PKD2: variants seen among roughly 807,000 people sequenced by gnomAD.
PKD2 encodes the protein polycystin 2, transient receptor potential cation channel, also known as polycystin-2.
Under a neutral mutation model 105.9 loss-of-function variants are expected in PKD2, and 48 were observed. The observed-to-expected ratio is 0.45, with a 90% CI of 0.36 to 0.58. PKD2 has a LOEUF of 0.58. Among genes scored for constraint, PKD2 ranks in the 20% least tolerant of loss-of-function variants. The probability of loss-of-function intolerance (pLI) is 0.00; values close to 1 mark genes in which losing one functional copy is unlikely to be tolerated. For synonymous variants in PKD2, 464 were observed against 481.1 expected, an observed-to-expected ratio of 0.96 and a Z score of 0.46; for missense variants, 1,078 against 1,255.3, an observed-to-expected ratio of 0.86 and a Z score of 2.13.
chr4:88,012,532 C>G (rs927718816), intron 1 of PKD2, among the ~76,000 whole-genome samples: 4 of 152,084 alleles, frequency 2.6e-5, no homozygotes, highest in African/African-American at 9.7e-5. Flanking sequence ...GAGAGCCTGC[C>G]TCTCTATTTT....
Position 88,043,465 on chromosome 4 carries a change from C to T in PKD2, c.1319+8C>T. On this transcript the variant is annotated splice_region_variant and intron_variant, in intron 5 of 14. Coordinates refer to ENST00000237596, the MANE Select transcript of PKD2 (RefSeq NM_000297.4). ...CCTGTTCTGTGTGGTCAGGTGTGTA[C>T]TGAGGACATGCATCCCTCCTATTTC... 6.4e-7 allele frequency: 1 copy of T among 1,553,682 alleles called. No homozygotes were observed. The highest frequency in any genetic ancestry group is 8.9e-7 in the Non-Finnish European group (1 of 1,124,978).
chr4:88,027,946 A>G (rs978663986), intron 2 of PKD2, among the ~76,000 whole-genome samples: 1 of 152,210 alleles, frequency 6.6e-6, no homozygotes, highest in African/African-American at 2.4e-5. Flanking sequence ...CAGAACTGTG[A>G]GTCAATTAAA....
intron 10 of PKD2, among the ~76,000 whole-genome samples, chr4:88,062,295 C>CT (rs1415983786): frequency 1.3e-5 from 2 of 152,182 alleles, no homozygotes; most frequent in African/African-American, 2.4e-5. Flanking sequence ...ATTTTGACAT[C>CT]TCCTGTAGCT....
chr4:88,042,341 G>C (rs376992755), intron 4 of PKD2, among the ~76,000 whole-genome samples: 1 of 152,180 alleles, frequency 6.6e-6, no homozygotes, highest in African/African-American at 2.4e-5. Flanking sequence ...ATCAGATCTC[G>C]TGAGACTTAC....
chr4:88,042,214 A>G (rs1727590972), intron 4 of PKD2, among the ~76,000 whole-genome samples: 2 of 152,266 alleles, frequency 1.3e-5, no homozygotes, highest in Non-Finnish European at 2.9e-5. Flanking sequence ...TTACAGTTCC[A>G]CATGGCTGGG....
intron 9 of PKD2, among the ~76,000 whole-genome samples, chr4:88,061,210 T>C (rs1720558365): frequency 6.6e-6 from 1 of 152,204 alleles, no homozygotes. Flanking sequence ...TTGAAGAGCT[T>C]TTTGGAATTC....
At chr4:88,039,485 T>C (rs1727472780) in intron 4 of PKD2, among the ~76,000 whole-genome samples, 1 of 151,896 alleles carries the variant, frequency 6.6e-6, no homozygotes, top group Non-Finnish European at 1.5e-5. Flanking sequence ...GCCAACATGG[T>C]GAAACCCTGA....
chr4:88,051,931 T>G, intron 6 of PKD2, 60 bp from the exon 7 acceptor site: 1 of 921,122 alleles, frequency 1.1e-6, no homozygotes, highest in Non-Finnish European at 1.8e-6. Flanking sequence ...ACTAGTCATA[T>G]TAAGGTAAGT....
intron 2 of PKD2, among the ~76,000 whole-genome samples, chr4:88,030,344 C>T (rs960470777): frequency 3.9e-5 from 6 of 152,064 alleles, no homozygotes; most frequent in Non-Finnish European, 7.4e-5. Flanking sequence ...ATTTTGCTGC[C>T]CAGGCTGTTC....
At chr4:88,065,626 T>C in intron 11 of PKD2, 131 bp downstream of exon 11, 1 of 1,199,622 alleles carries the variant, frequency 8.3e-7, no homozygotes, top group Non-Finnish European at 1.2e-6. Context: ...CAGGTATCTT[T>C]CTGGAACATG....
At chr4:88,054,107 GTAA>G (rs1469933747) in intron 7 of PKD2, among the ~76,000 whole-genome samples, 1 of 151,928 alleles carries the variant, frequency 6.6e-6, no homozygotes, top group African/African-American at 2.4e-5. Flanking sequence ...AATCAAGATA[GTAA>G]TAATAATCAA....
intron 6 of PKD2, among the ~76,000 whole-genome samples, chr4:88,048,544 G>T (rs1030761622): frequency 2.0e-5 from 3 of 152,058 alleles, no homozygotes; most frequent in Non-Finnish European, 4.4e-5. Context: ...GCATTTCCGG[G>T]TGCTTTTCAT....
At chr4:88,008,422 A>G (rs1001574566) in intron 1 of PKD2, 94 bp downstream of exon 1, 13 of 1,418,040 alleles carry the variant, frequency 9.2e-6, no homozygotes, top group Admixed American at 2.5e-5. Flanking sequence ...CCCGGGCTCC[A>G]TCTCGCATCC....
At position 88,076,560 on chromosome 4, in the gene PKD2, C is replaced by T. The variant is rs762168796; in HGVS notation, c.*866C>T. On this transcript the variant is annotated 3_prime_UTR_variant, in exon 15 of 15. Transcript: ENST00000237596. Reference sequence around the variant, plus strand: ...TGCAACTGAATTTAATGTTATAACTCATCTAGTGAGACCAACTTACTAAAT... The same window carrying T: ...TGCAACTGAATTTAATGTTATAACTTATCTAGTGAGACCAACTTACTAAAT... 2 of 152,180 alleles carry T rather than the reference C, an allele frequency of 1.3e-5. No individual in the cohort carries two copies. The highest frequency in any genetic ancestry group is 2.9e-5 in the Non-Finnish European group (2 of 68,026). The allele number at this position is 152,180 out of a possible 1,614,324, so 9.4% of individuals were successfully genotyped here. A position where few individuals can be genotyped will look rare whatever the true frequency, so the allele number is the denominator to read the frequency against.
intron 8 of PKD2, 141 bp from the exon 9 acceptor site, chr4:88,057,842 G>A (rs1720421244): frequency 1.4e-6 from 1 of 706,336 alleles, no homozygotes; most frequent in South Asian, 1.5e-5. Flanking sequence ...TTTGTAAATG[G>A]GATTGACAAT....
rs942844617 is a variant in PKD2 at position 88,075,459 on chromosome 4, A to G, written c.2672A>G (p.Asp891Gly). The change falls in exon 15 of 15, where the codon GAT becomes GGT. Residue 891 changes from aspartate to glycine, a missense_variant and splice_region_variant. Asp to Gly is a moderately conservative substitution (Grantham distance 94, BLOSUM62 -1). Transcript: ENST00000237596. ...LGRLLDGVAE[D>G]ERLGRDSEIH... ...ACCAGTTTCTTTTTCCCTTTTTAGG[A>G]TGAAAGGCTGGGTCGTGACAGTGAA... 1.2e-6 allele frequency: 2 copies of G among 1,612,366 alleles called. No individual in the cohort carries two copies. Among genetic ancestry groups the G allele is most frequent in the Non-Finnish European group, 8.5e-7 (1 of 1,178,548 alleles).
At chr4:88,046,985 C>A in intron 6 of PKD2, 115 bp downstream of exon 6, 1 of 751,790 alleles carries the variant, frequency 1.3e-6, no homozygotes, top group Non-Finnish European at 2.4e-6. Context: ...ATCTAAAAGT[C>A]CCCCTCAATT....
chr4:88,018,042 A>G (rs1407076379), intron 1 of PKD2, among the ~76,000 whole-genome samples: 1 of 152,192 alleles, frequency 6.6e-6, no homozygotes, highest in Non-Finnish European at 1.5e-5. Context: ...TAAATTTGTA[A>G]TAATTCTTTA....
chr4:88,061,517 C>G (rs1720569321), intron 9 of PKD2, among the ~76,000 whole-genome samples: 1 of 152,106 alleles, frequency 6.6e-6, no homozygotes, highest in African/African-American at 2.4e-5. Flanking sequence ...GCGGGCAGAT[C>G]ACTTGAGGCC....
Sources: allele counts gnomAD v4.1 joint callset (sites outside exome capture counted in the v4.1 genomes callset), GRCh38; gene constraint gnomAD v4.1.1; transcripts MANE v1.5; gene names NCBI Gene and HGNC (gene_info 2026-07-23, HGNC 2026-07-21).